BBS9: variants seen among roughly 807,000 people sequenced by gnomAD.
BBS9 encodes the protein protein PTHB1.
Under a neutral mutation model 117.7 loss-of-function variants are expected in BBS9, and 89 were observed. The observed-to-expected ratio is 0.76, with a 90% confidence interval of 0.64 to 0.90. The LOEUF (loss-of-function observed/expected upper bound fraction) is 0.90. BBS9 is among the 40% of genes least tolerant of loss of function. BBS9 has a pLI of 0.00. For synonymous variants in BBS9, 379 were observed against 370.9 expected (o/e 1.02, Z -0.25); for missense variants, 982 against 1,042.2 (o/e 0.94, Z 0.80).
intron 19 of BBS9, among the ~76,000 whole-genome samples, chr7:33,454,031 A>G (rs145944297): frequency 1.9e-4 from 29 of 152,176 alleles, no homozygotes; most frequent in Non-Finnish European, 4.1e-4. Context: ...CTCATTGTTC[A>G]AGTGTCAACT....
intron 9 of BBS9, among the ~76,000 whole-genome samples, chr7:33,307,646 G>A (rs544912389): frequency 6.6e-6 from 1 of 152,124 alleles, no homozygotes; most frequent in South Asian, 2.1e-4. Flanking sequence ...ATTATTTAAT[G>A]TCATCTCTAG....
intron 1 of BBS9, 126 bp from the exon 2 acceptor site, chr7:33,146,116 C>T: frequency 1.4e-6 from 1 of 690,904 alleles, no homozygotes; most frequent in South Asian, 1.7e-5. Flanking sequence ...AATATGTGTA[C>T]AAAATATTAA....
At chr7:33,241,133 G>A (rs370806430) in intron 5 of BBS9, among the ~76,000 whole-genome samples, 12 of 152,186 alleles carry the variant, frequency 7.9e-5, no homozygotes, top group East Asian at 1.9e-4. Context: ...TTGACCTAGC[G>A]TTAGTGTGTT....
intron 21 of BBS9, among the ~76,000 whole-genome samples, chr7:33,628,430 CAG>C (rs1366862308): frequency 6.6e-6 from 1 of 152,120 alleles, no homozygotes; most frequent in Non-Finnish European, 1.5e-5. Context: ...ACTGTATTAA[CAG>C]AATATGAGAG....
At chr7:33,552,347 C>T (rs1357568170) in intron 21 of BBS9, among the ~76,000 whole-genome samples, 1 of 152,106 alleles carries the variant, frequency 6.6e-6, no homozygotes, top group Non-Finnish European at 1.5e-5. Context: ...ATTATTCCTT[C>T]CCTTTCTCAG....
chr7:33,547,999 C>T (rs190339855), intron 21 of BBS9, among the ~76,000 whole-genome samples: 4 of 151,692 alleles, frequency 2.6e-5, no homozygotes, highest in African/African-American at 9.7e-5. Flanking sequence ...CATCAAAGAC[C>T]TCATAGAATA....
At chr7:33,230,203 C>G (rs1792082426) in intron 5 of BBS9, among the ~76,000 whole-genome samples, 1 of 152,090 alleles carries the variant, frequency 6.6e-6, no homozygotes. Flanking sequence ...AGCCTGTAGG[C>G]TACCATTTCG....
intron 21 of BBS9, among the ~76,000 whole-genome samples, chr7:33,621,293 G>T (rs183452215): frequency 1.3e-5 from 2 of 152,164 alleles, no homozygotes; most frequent in Admixed American, 1.3e-4. Context: ...TTTGTGAACC[G>T]TGTATCTAAT....
At chr7:33,383,871 TC>T in intron 18 of BBS9, 33 bp downstream of exon 18, 1 of 1,589,650 alleles carries the variant, frequency 6.3e-7, no homozygotes, top group Non-Finnish European at 8.6e-7. Flanking sequence ...TCATCTATAA[TC>T]CTTAAATATA....
intron 9 of BBS9, among the ~76,000 whole-genome samples, chr7:33,312,830 A>G (rs1057379122): frequency 1.3e-5 from 2 of 152,116 alleles, no homozygotes; most frequent in Admixed American, 6.6e-5. Context: ...TGAATGTACT[A>G]CATTTATTTC....
chr7:33,304,152 GGCC>G (rs1171527603), intron 9 of BBS9, among the ~76,000 whole-genome samples: 6 of 148,618 alleles, frequency 4.0e-5, no homozygotes, highest in South Asian at 2.2e-4. Context: ...ACCTCTGCCC[GGCC>G]GCCACCCCGT....
intron 19 of BBS9, among the ~76,000 whole-genome samples, chr7:33,437,545 T>A (rs1262223720): frequency 1.3e-5 from 2 of 152,182 alleles, no homozygotes; most frequent in Non-Finnish European, 2.9e-5. Flanking sequence ...CAAGAAGTCA[T>A]AGCTTCTTAG....
chr7:33,440,213 T>A (rs1417354450), intron 19 of BBS9, among the ~76,000 whole-genome samples: 1 of 152,172 alleles, frequency 6.6e-6, no homozygotes, highest in Admixed American at 6.5e-5. Flanking sequence ...TAGAGTTGTG[T>A]AATTTAACTT....
chr7:33,611,419 T>A (rs1864849033), intron 21 of BBS9, among the ~76,000 whole-genome samples: 1 of 147,100 alleles, frequency 6.8e-6, no homozygotes, highest in Admixed American at 7.0e-5. Flanking sequence ...ATTCATTGAA[T>A]CCTTTAATAT....
At chr7:33,376,046 A>C (rs948097184) in intron 17 of BBS9, among the ~76,000 whole-genome samples, 9 of 152,176 alleles carry the variant, frequency 5.9e-5, no homozygotes, top group Non-Finnish European at 1.2e-4. Context: ...AAAAACTTTT[A>C]GGTTCAGGGG....
chr7:33,209,340 G>T (rs1009145432), intron 5 of BBS9, among the ~76,000 whole-genome samples: 1 of 151,984 alleles, frequency 6.6e-6, no homozygotes, highest in Non-Finnish European at 1.5e-5. Context: ...TTATCCATTT[G>T]TCTGTTGATG....
chr7:33,556,975 A>T (rs1417859972), intron 21 of BBS9, among the ~76,000 whole-genome samples: 1 of 152,106 alleles, frequency 6.6e-6, no homozygotes, highest in Non-Finnish European at 1.5e-5. Context: ...TATGTCTCTG[A>T]TCTTTATCTG....
At chr7:33,236,304 T>C (rs1819826) in intron 5 of BBS9, among the ~76,000 whole-genome samples, 120,068 of 145,230 alleles carry the variant, frequency 0.83, 49,503 homozygotes, top group Admixed American at 0.87. Flanking sequence ...CCAGCCTGGG[T>C]GACAGAGTGA....
At chr7:33,405,778 A>T (rs1207500068) in intron 19 of BBS9, among the ~76,000 whole-genome samples, 3 of 151,718 alleles carry the variant, frequency 2.0e-5, no homozygotes, top group Non-Finnish European at 4.4e-5. Context: ...AATTTTGTTG[A>T]TCTTTTCAAA....
Sources: gnomAD v4.1 joint callset for allele counts (sites outside exome capture counted in the v4.1 genomes callset) on GRCh38, gnomAD v4.1.1 for gene constraint, MANE v1.5 for transcripts, NCBI Gene and HGNC (gene_info 2026-07-23, HGNC 2026-07-21) for gene names.